Variants in RORC observed in about 807,000 individuals in gnomAD.
The protein encoded by RORC is RAR related orphan receptor C.
In RORC, 13 loss-of-function variants were observed where a neutral mutation model predicts 64.5. That is an observed-to-expected ratio of 0.20 (90% CI 0.13 to 0.32). RORC has a LOEUF of 0.32. Among genes scored for constraint, RORC ranks in the 10% least tolerant of loss-of-function variants. The pLI is 1.00. For missense variants in RORC, 468 were observed against 669.5 expected, an observed-to-expected ratio of 0.70 and a Z score of 3.32; for synonymous variants, 277 against 259.3, an observed-to-expected ratio of 1.07 and a Z score of -0.65.
chr1:151,807,574 G>T lies in RORC; in HGVS notation c.1455C>A (p.Ile485=). ...LCSQHVERLQ[I]FQHLHPIVVQ... ...CCACGATGGGGTGGAGGTGCTGGAA[G>T]ATCTGCAGCCTTTCCACATGCTGGC... is the stretch of plus-strand genomic sequence containing the variant. Residue 485 remains isoleucine (I), a synonymous_variant, in exon 11 of 11, where the codon ATC becomes ATA. Coordinates refer to ENST00000318247, the MANE Select transcript of RORC (RefSeq NM_005060.4). This position sits in a 1 kb window ranked among gnomAD's most constrained non-coding sequence, Gnocchi z 5.0. 1 of 1,614,194 alleles carries T rather than the reference G, an allele frequency of 6.2e-7. No individual in the cohort carries two copies. The highest frequency in any genetic ancestry group is 8.5e-7 in the Non-Finnish European group (1 of 1,180,030).
intron 3 of RORC, 104 bp from the exon 4 acceptor site, chr1:151,816,909 G>A (rs530234268): frequency 2.5e-5 from 31 of 1,233,580 alleles, no homozygotes; most frequent in African/African-American, 1.4e-4. Flanking sequence ...TACATCCCAC[G>A]ACCTGTCAGT....
rs200609284 is a variant in RORC, at chr1:151,815,286, G to T, written c.438C>A (p.Thr146=). ...CTGGGAGCCCCAAGGTGTAGGTGAG[G>T]GTATCTGCTCCTTGGGCCCCTGCTG... The part of the protein sequence containing the change: ...TPPAGAQGAD[T]LTYTLGLPDG... Residue 146 remains threonine, a synonymous_variant, in exon 5 of 11, where the codon ACC becomes ACA. Transcript: ENST00000318247. 1 of 1,610,238 alleles carries T rather than the reference G, an allele frequency of 6.2e-7. No individual in the cohort carries two copies. Among genetic ancestry groups the T allele is most frequent in the Non-Finnish European group, 8.5e-7 (1 of 1,177,488 alleles).
intron 2 of RORC, among the ~76,000 whole-genome samples, chr1:151,819,720 C>T (rs1651912332): frequency 6.6e-6 from 1 of 152,178 alleles, no homozygotes; most frequent in African/African-American, 2.4e-5. Context: ...CCATGCTTGA[C>T]CCACTGCTTC....
chr1:151,828,563 T>C (rs1652283431), intron 2 of RORC, among the ~76,000 whole-genome samples: 1 of 152,182 alleles, frequency 6.6e-6, no homozygotes, highest in South Asian at 2.1e-4. Flanking sequence ...CCCCTGTCCA[T>C]TCTGTTTCCT....
chr1:151,809,369 G>C (rs1651433315), intron 10 of RORC, among the ~76,000 whole-genome samples: 1 of 152,154 alleles, frequency 6.6e-6, no homozygotes, highest in African/African-American at 2.4e-5. Context: ...ACTCCAGCCT[G>C]GGCGACAGAG....
chr1:151,811,494 C>A, intron 9 of RORC, 60 bp from the exon 10 acceptor site: 1 of 1,045,348 alleles, frequency 9.6e-7, no homozygotes, highest in Non-Finnish European at 1.5e-6. Context: ...TAACTCCCAA[C>A]AAAAGGGTGT....
chr1:151,813,994 T>A (rs965342119), intron 6 of RORC: 1 of 222,278 alleles, frequency 4.5e-6, no homozygotes, highest in African/African-American at 2.3e-5. Flanking sequence ...GCCAAACGAG[T>A]GTGTTTAGAG....
rs954308803 is a variant in RORC, at chr1:151,831,200, C to T, written c.40+525G>A. On this transcript the variant is annotated intron_variant, in intron 1 of 10. Coordinates refer to ENST00000318247, the MANE Select transcript of RORC (RefSeq NM_005060.4). ...AAGGACCAGGCTACGTGGTCATGGG[C>T]AGCTGACAGGGTGTGGTTCCCCCTG... 12 of 1,083,824 alleles carry T rather than the reference C, an allele frequency of 1.1e-5. No homozygotes were observed. The African/African-American group carries it at 2.0e-4, about 18-fold the overall frequency. The allele number at this position is 1,083,824 out of a possible 1,614,324, so 67.1% of individuals were successfully genotyped here. A position where few individuals can be genotyped will look rare whatever the true frequency, so the allele number is the denominator to read the frequency against.
At position 151,815,400 on chromosome 1, in the gene RORC, C is replaced by T. The variant is rs750643712; in HGVS notation, c.324G>A (p.Lys108=). Residue 108 remains lysine, a synonymous_variant, in exon 5 of 11, where the codon AAG becomes AAA. Transcript: ENST00000318247. The stretch of plus-strand genomic sequence containing the variant: ...CTGCATGCAGGCTGTCCCTCTGCTT[C>T]TTGGACATGCGGCCGAACTTGACAG... ...RDAVKFGRMS[K]KQRDSLHAEV... is the part of the protein sequence containing the mutation. The T allele has an allele frequency of 2.0e-6, 3 of 1,534,708 alleles. No individual in the cohort carries two copies. The highest frequency in any genetic ancestry group is 2.3e-5 in the East Asian group (1 of 44,138).
At chr1:151,831,116 C>T in intron 1 of RORC, 1 of 1,286,224 alleles carries the variant, frequency 7.8e-7, no homozygotes, top group Non-Finnish European at 1.0e-6. Flanking sequence ...TGCTGATGGC[C>T]CAGTGCCCCA....
At chr1:151,831,472 T>G (rs1652417216) in intron 1 of RORC, among the ~76,000 whole-genome samples, 1 of 152,120 alleles carries the variant, frequency 6.6e-6, no homozygotes, top group South Asian at 2.1e-4. Flanking sequence ...CCCTCCAACC[T>G]GTTTCTTCCT....
intron 10 of RORC, among the ~76,000 whole-genome samples, chr1:151,808,182 C>A (rs1415783110): frequency 2.0e-5 from 3 of 152,230 alleles, no homozygotes; most frequent in Non-Finnish European, 4.4e-5. Context: ...TGGCTGAGGT[C>A]TCTCTTTCCC....
At chr1:151,816,534 A>G (rs1651760104) in intron 4 of RORC, 130 bp downstream of exon 4, 1 of 967,890 alleles carries the variant, frequency 1.0e-6, no homozygotes, top group African/African-American at 1.7e-5. Context: ...AAGGGGTTGT[A>G]ACGGGGAGGA....
At chr1:151,829,334 T>A in intron 2 of RORC, 95 bp downstream of exon 2, 1 of 1,238,668 alleles carries the variant, frequency 8.1e-7, no homozygotes, top group South Asian at 1.5e-5. Context: ...CTCCTCCACC[T>A]CTGTCCAACC....
intron 9 of RORC, 76 bp from the exon 10 acceptor site, chr1:151,811,510 T>G: frequency 1.2e-6 from 1 of 861,556 alleles, no homozygotes; most frequent in Non-Finnish European, 1.9e-6. Flanking sequence ...GGTGTATCTT[T>G]GTGGACATCT....
chr1:151,809,342 C>T lies in RORC; in HGVS notation c.1396-1709G>A, dbSNP rs1310458305. Among the ~76,000 whole-genome samples, 3 of 151,710 alleles carry T rather than the reference C, an allele frequency of 2.0e-5. No individual in the cohort carries two copies. The South Asian group carries it at 6.2e-4, about 32-fold the overall frequency. On this transcript the variant is annotated intron_variant, in intron 10 of 10. Coordinates refer to ENST00000318247, the MANE Select transcript of RORC (RefSeq NM_005060.4). Reference sequence around the variant, plus strand: ...CTGGGAGGTGGAGGTTGCAGTGAGCCGAGATCACACCACTGCACTCCAGCC... The same window carrying T: ...CTGGGAGGTGGAGGTTGCAGTGAGCTGAGATCACACCACTGCACTCCAGCC...
intron 9 of RORC, chr1:151,812,363 CT>C (rs1651570762): frequency 6.6e-6 from 1 of 152,594 alleles, no homozygotes; most frequent in South Asian, 2.1e-4. Flanking sequence ...CTATTCAACA[CT>C]TTATTATAAA....
Position 151,816,507 on chromosome 1 carries a change from C to G in RORC, c.298+157G>C, listed in dbSNP as rs12565260. ...CTTTGATGGGGGTGACCCATCCATC[C>G]CTGGAGGGGAGGAGACAAGGGGTTG... On this transcript the variant is annotated intron_variant, in intron 4 of 10. Coordinates refer to ENST00000318247, the MANE Select transcript of RORC (RefSeq NM_005060.4). Among the ~76,000 whole-genome samples the G allele has an allele frequency of 1.0e-3, 158 of 152,278 alleles. 1 individual carries two copies. The East Asian group carries it at 0.026, about 25-fold the overall frequency.
intron 2 of RORC, among the ~76,000 whole-genome samples, chr1:151,823,912 T>C (rs1652091001): frequency 6.6e-6 from 1 of 152,218 alleles, no homozygotes; most frequent in African/African-American, 2.4e-5. Flanking sequence ...ATTATAGGCA[T>C]GAGCCACCAC....
Sources: allele counts gnomAD v4.1 joint callset (sites outside exome capture counted in the v4.1 genomes callset), GRCh38; gene constraint gnomAD v4.1.1; non-coding constraint Gnocchi (gnomAD v3.1); transcripts MANE v1.5; gene names NCBI Gene and HGNC (gene_info 2026-07-23, HGNC 2026-07-21).